Variants in TANK observed in about 807,000 individuals in gnomAD.
TANK encodes the protein TRAF family member-associated NF-kappa-B activator.
In TANK, 15 loss-of-function variants were observed where a neutral mutation model predicts 43.6. The observed-to-expected ratio is 0.34, with a 90% CI of 0.23 to 0.53. The LOEUF (loss-of-function observed/expected upper bound fraction) is 0.53, where lower values mean the gene tolerates loss of function less well. Among genes scored for constraint, TANK ranks in the 20% least tolerant of loss-of-function variants. The pLI is 0.94. For missense variants in TANK, 417 were observed against 498.6 expected (o/e 0.84, Z 1.56); for synonymous variants, 162 against 178.2 (o/e 0.91, Z 0.73).
At chr2:161,138,965 T>A (rs1029191713) in intron 1 of TANK, among the ~76,000 whole-genome samples, 11 of 152,210 alleles carry the variant, frequency 7.2e-5, no homozygotes, top group African/African-American at 2.2e-4. Flanking sequence ...TATATTTTGT[T>A]TTGTCTTCTT....
chr2:161,226,861 T>C (rs954377576), intron 6 of TANK, among the ~76,000 whole-genome samples: 2 of 152,276 alleles, frequency 1.3e-5, no homozygotes, highest in African/African-American at 4.8e-5. Context: ...CAAACATCCA[T>C]GAGAAGGGTA....
chr2:161,154,739 A>G (rs1371025522), intron 1 of TANK, among the ~76,000 whole-genome samples: 1 of 151,934 alleles, frequency 6.6e-6, no homozygotes, highest in Non-Finnish European at 1.5e-5. Flanking sequence ...ATAAAAATTA[A>G]GCATACACTT....
chr2:161,149,904 T>C (rs1418195382), intron 1 of TANK, among the ~76,000 whole-genome samples: 1 of 152,174 alleles, frequency 6.6e-6, no homozygotes, highest in Non-Finnish European at 1.5e-5. Flanking sequence ...TTGTGGAGAA[T>C]TTTTGCATCT....
chr2:161,169,418 A>G (rs1253381893), intron 1 of TANK, among the ~76,000 whole-genome samples: 1 of 152,244 alleles, frequency 6.6e-6, no homozygotes, highest in Non-Finnish European at 1.5e-5. Context: ...GTAAAAGCTG[A>G]ATGCTAATCT....
intron 2 of TANK, among the ~76,000 whole-genome samples, chr2:161,201,883 C>T (rs1558992486): frequency 6.6e-6 from 1 of 152,178 alleles, no homozygotes; most frequent in Non-Finnish European, 1.5e-5. Context: ...TGGACATGCA[C>T]TTCAGGTAGA....
chr2:161,166,031 C>G (rs1039028938), intron 1 of TANK, among the ~76,000 whole-genome samples: 1 of 152,202 alleles, frequency 6.6e-6, no homozygotes, highest in Non-Finnish European at 1.5e-5. Flanking sequence ...TGGGTGTGGT[C>G]TTTGACAGTG....
intron 1 of TANK, among the ~76,000 whole-genome samples, chr2:161,145,971 G>A (rs1465655415): frequency 6.6e-6 from 1 of 152,078 alleles, no homozygotes; most frequent in Non-Finnish European, 1.5e-5. Flanking sequence ...ATCAATCGTA[G>A]GTTAGGTCTT....
chr2:161,222,243 TC>T (rs1559005419), intron 4 of TANK, among the ~76,000 whole-genome samples: 1 of 152,042 alleles, frequency 6.6e-6, no homozygotes, highest in Non-Finnish European at 1.5e-5. Context: ...AGGGCATTAC[TC>T]TTTTTTTTGT....
At chr2:161,199,272 A>G (rs1212421206) in intron 2 of TANK, among the ~76,000 whole-genome samples, 1 of 151,908 alleles carries the variant, frequency 6.6e-6, no homozygotes, top group Non-Finnish European at 1.5e-5. Context: ...TCCACTCAAC[A>G]TTTATTAAAT....
rs945074518 is a variant in TANK, at chr2:161,147,735, C to T, written c.-50+10672C>T. 1.1e-4 allele frequency among the ~76,000 whole-genome samples: 16 copies of T among 149,310 alleles called. 2 individuals carry two copies. Among genetic ancestry groups the T allele is most frequent in the Admixed American group, 3.9e-4 (6 of 15,194 alleles). ...GTCCTTTTTGATGGGAGCCTCCAAT[C>T]GCTGCTCCTTCTAGTCGGCCATCAT... is the stretch of plus-strand genomic sequence containing the variant. On this transcript the variant is annotated intron_variant, in intron 1 of 7. Transcript: ENST00000259075.
At chr2:161,159,814 T>G (rs1684325776), upstream of TANK, among the ~76,000 whole-genome samples, 1 of 152,206 alleles carries the variant, frequency 6.6e-6, no homozygotes, top group Non-Finnish European at 1.5e-5. Context: ...ATGGGAAATT[T>G]TCTAATAAAG....
chr2:161,207,207 C>G (rs1228764196), intron 4 of TANK, among the ~76,000 whole-genome samples: 1 of 151,972 alleles, frequency 6.6e-6, no homozygotes, highest in African/African-American at 2.4e-5. Flanking sequence ...GTTTAAGTAA[C>G]AGAAATCATT....
At chr2:161,138,975 T>C (rs1480806693) in intron 1 of TANK, among the ~76,000 whole-genome samples, 1 of 152,196 alleles carries the variant, frequency 6.6e-6, no homozygotes, top group East Asian at 1.9e-4. Flanking sequence ...TTTGTCTTCT[T>C]GTGTGTGTAG....
chr2:161,194,619 G>A (rs1316071258), intron 2 of TANK, among the ~76,000 whole-genome samples: 1 of 152,092 alleles, frequency 6.6e-6, no homozygotes, highest in Non-Finnish European at 1.5e-5. Context: ...AATGTTAAGC[G>A]ATAAGGACCG....
chr2:161,202,984 G>T, intron 2 of TANK: 1 of 333,902 alleles, frequency 3.0e-6, no homozygotes, highest in Non-Finnish European at 6.0e-6. Context: ...TTTCTGGTCA[G>T]TATAATTTTA....
In TANK at chr2:161,165,254, A is replaced by G. The variant is rs139188308; in HGVS notation, c.-50+4768A>G. Among the ~76,000 whole-genome samples, 179 of 152,294 alleles carry G rather than the reference A, an allele frequency of 1.2e-3. 1 individual carries two copies. Among genetic ancestry groups the G allele is most frequent in the African/African-American group, 4.2e-3 (173 of 41,570 alleles). On this transcript the variant is annotated intron_variant, in intron 1 of 7. Transcript: ENST00000392749. ...CAGTATGAGAATTGTTCTATTGAAC[A>G]GCGAAACAACCCAATCAGGTAATAG...
chr2:161,172,556 G>C (rs1009329874), intron 1 of TANK, among the ~76,000 whole-genome samples: 1 of 151,988 alleles, frequency 6.6e-6, no homozygotes, highest in Non-Finnish European at 1.5e-5. Context: ...TTCTAGCACT[G>C]TTGTCCAAAA....
intron 4 of TANK, among the ~76,000 whole-genome samples, chr2:161,208,947 A>G (rs1686764766): frequency 6.6e-6 from 1 of 152,224 alleles, no homozygotes; most frequent in African/African-American, 2.4e-5. Flanking sequence ...GATATATTTT[A>G]AAAGCAACAC....
At chr2:161,161,182 G>A in intron 1 of TANK, 1 of 1,479,228 alleles carries the variant, frequency 6.8e-7, no homozygotes, top group Non-Finnish European at 9.0e-7. Flanking sequence ...GAAGTAGAAA[G>A]GGGGAGGATA....
Sources: gnomAD v4.1 joint callset for allele counts (sites outside exome capture counted in the v4.1 genomes callset) on GRCh38, gnomAD v4.1.1 for gene constraint, MANE v1.5 for transcripts, NCBI Gene and HGNC (gene_info 2026-07-23, HGNC 2026-07-21) for gene names.